Variants in OR8G5 observed in about 807,000 individuals in gnomAD.
The protein encoded by OR8G5 is olfactory receptor 8G5.
For synonymous variants in OR8G5, 147 were observed against 147.7 expected (o/e 1.00, Z 0.03); for missense variants, 347 against 371.9 (o/e 0.93, Z 0.55).
intron 1 of OR8G5, among the ~76,000 whole-genome samples, chr11:124,258,060 TCTC>T (rs1591394674): frequency 6.6e-6 from 1 of 152,114 alleles, no homozygotes; most frequent in East Asian, 1.9e-4. Flanking sequence ...CATTGAATTA[TCTC>T]CTCTCTGGCT....
At chr11:124,264,858 T>C in intron 1 of OR8G5, 60 bp from the exon 2 acceptor site, 1 of 1,597,538 alleles carries the variant, frequency 6.3e-7, no homozygotes, top group Non-Finnish European at 8.6e-7. Context: ...ATCACTTTCC[T>C]ACAAAAGGAG....
intron 1 of OR8G5, among the ~76,000 whole-genome samples, chr11:124,258,121 A>G (rs1263873889): frequency 6.6e-6 from 1 of 152,202 alleles, no homozygotes; most frequent in Non-Finnish European, 1.5e-5. Context: ...GTCAAACACC[A>G]TACACAAAAT....
rs1311764208 is a variant in OR8G5, at chr11:124,266,064, CATG to C, written c.*200_*202del. ...TTTTCTCTCATAAGGATTACGAAGA[CATG>C]ATATTTTCTTAGAAGAAATAATAAG... On this transcript the variant is annotated 3_prime_UTR_variant, in exon 2 of 2. Transcript: ENST00000641992. 1.6e-6 allele frequency: 1 copy of C among 636,656 alleles called. No individual in the cohort carries two copies. The highest frequency in any genetic ancestry group is 3.5e-5 in the Admixed American group (1 of 28,628). The allele number at this position is 636,656 out of a possible 1,614,324, so 39.4% of individuals were successfully genotyped here.
Position 124,265,191 on chromosome 11 carries a change from C to T in OR8G5, c.260C>T (p.Thr87Ile). Residue 87 changes from threonine (T) to isoleucine (I), a missense_variant, in exon 2 of 2, where the codon ACA (threonine) becomes ATA (isoleucine). Transcript: ENST00000641992. ...ITPKMLVNFV[T>I]EKNIISYPEC... ...CCTAAGATGCTGGTGAACTTTGTGA[C>T]AGAGAAGAACATCATCTCCTACCCT... 6.2e-7 allele frequency: 1 copy of T among 1,614,116 alleles called. No homozygotes were observed. The highest frequency in any genetic ancestry group is 8.5e-7 in the Non-Finnish European group (1 of 1,179,972).
At chr11:124,263,550 C>T (rs946520314) in intron 1 of OR8G5, among the ~76,000 whole-genome samples, 2 of 142,592 alleles carry the variant, frequency 1.4e-5, no homozygotes, top group African/African-American at 5.2e-5. Flanking sequence ...TTCCTGTGTC[C>T]ATGTGTTCTC....
chr11:124,264,833 A>G (rs377735388), intron 1 of OR8G5, 85 bp from the exon 2 acceptor site: 3 of 1,541,744 alleles, frequency 1.9e-6, no homozygotes, highest in Non-Finnish European at 1.8e-6. Flanking sequence ...TTAAATGATC[A>G]TATATAAACA....
In OR8G5 at chr11:124,265,370, G is replaced by A; in HGVS notation, c.439G>A (p.Val147Met). ...TAAGGCTTGCTTTTCTCTGATTTTAGTGGTGTATGTAATAGGCCTGATTTG... is the reference window on the plus strand; with the variant it reads ...TAAGGCTTGCTTTTCTCTGATTTTAATGGTGTATGTAATAGGCCTGATTTG... ...SNKACFSLIL[V>M]VYVIGLICAS... Residue 147 changes from valine to methionine, a missense_variant, in exon 2 of 2, where the codon GTG becomes ATG. Physicochemically the swap from Val to Met is conservative, Grantham distance 21. Transcript: ENST00000641992. The A allele has an allele frequency of 1.2e-6, 2 of 1,614,006 alleles. No individual in the cohort carries two copies. Among genetic ancestry groups the A allele is most frequent in the Non-Finnish European group, 1.7e-6 (2 of 1,179,888 alleles).
At chr11:124,257,976 C>T (rs1360774780) in intron 1 of OR8G5, among the ~76,000 whole-genome samples, 1 of 152,058 alleles carries the variant, frequency 6.6e-6, no homozygotes, top group African/African-American at 2.4e-5. Context: ...TTAGGAGAGT[C>T]CTTCCTTTCT....
Position 124,265,054 on chromosome 11 carries a change from G to T in OR8G5, c.123G>T (p.Gly41=), listed in dbSNP as rs752929188. ...GAATCTATGTAGTCACAGTGCTGGG[G>T]AACCTGGGCATGATCACACTGATTG... ...FLGIYVVTVL[G]NLGMITLIGL... The change falls in exon 2 of 2, where the codon GGG becomes GGT. Residue 41 remains glycine, a synonymous_variant. Coordinates refer to ENST00000641992, the MANE Select transcript of OR8G5 (RefSeq NM_001005198.2). 6.2e-7 allele frequency: 1 copy of T among 1,614,114 alleles called. No homozygotes were observed. The highest frequency in any genetic ancestry group is 1.1e-5 in the South Asian group (1 of 91,080).
rs141697209 is a variant in OR8G5, at chr11:124,259,719, A to G, written c.-15+3085A>G. ...GATCAATCATATTGGGAAATACCTG[A>G]ATCAACAAACACTCTTTGTGTTCAA... On this transcript the variant is annotated intron_variant, in intron 1 of 1. Transcript: ENST00000641992. Among the ~76,000 whole-genome samples the G allele has an allele frequency of 4.4e-3, 668 of 152,222 alleles. 4 individuals carry two copies. The highest frequency in any genetic ancestry group is 6.8e-3 in the Non-Finnish European group (459 of 67,980).
chr11:124,258,036 C>CTT (rs1861929205), intron 1 of OR8G5, among the ~76,000 whole-genome samples: 1 of 152,112 alleles, frequency 6.6e-6, no homozygotes, highest in African/African-American at 2.4e-5. Flanking sequence ...TTCTTCTTCT[C>CTT]TGAGACTTTT....
chr11:124,262,550 G>A (rs1725147818), intron 1 of OR8G5, among the ~76,000 whole-genome samples: 1 of 151,808 alleles, frequency 6.6e-6, no homozygotes, highest in African/African-American at 2.4e-5. Flanking sequence ...ATACATTTGG[G>A]GTTTCTGGTG....
chr11:124,260,047 G>A (rs1861953648), intron 1 of OR8G5, among the ~76,000 whole-genome samples: 1 of 151,936 alleles, frequency 6.6e-6, no homozygotes, highest in African/African-American at 2.4e-5. Context: ...GTTAACTTTT[G>A]AGAATCAATA....
chr11:124,263,610 G>C (rs896145644), intron 1 of OR8G5, among the ~76,000 whole-genome samples: 1 of 148,798 alleles, frequency 6.7e-6, no homozygotes, highest in Non-Finnish European at 1.5e-5. Context: ...TTGGTTTTTT[G>C]TCCTTGCGAT....
At chr11:124,263,867 G>A (rs917681824) in intron 1 of OR8G5, among the ~76,000 whole-genome samples, 1 of 151,892 alleles carries the variant, frequency 6.6e-6, no homozygotes, top group Non-Finnish European at 1.5e-5. Context: ...TTTAGTGAAT[G>A]GAATAGCTAC....
chr11:124,262,275 A>G (rs1322593040), intron 1 of OR8G5, among the ~76,000 whole-genome samples: 2 of 151,902 alleles, frequency 1.3e-5, no homozygotes, highest in African/African-American at 2.4e-5. Flanking sequence ...AGACAACCTT[A>G]ATTTATTGGA....
chr11:124,261,930 T>C (rs1861975315), intron 1 of OR8G5, among the ~76,000 whole-genome samples: 1 of 151,726 alleles, frequency 6.6e-6, no homozygotes, highest in East Asian at 1.9e-4. Flanking sequence ...AACACAAATA[T>C]AAAAAAGAAA....
chr11:124,266,112 G>T lies in OR8G5; in HGVS notation c.*245G>T. 1 of 435,434 alleles carries T rather than the reference G, an allele frequency of 2.3e-6. No homozygotes were observed. 27.0% of individuals were successfully genotyped at this position (435,434 alleles called of 1,614,324 possible). A position where few individuals can be genotyped will look rare whatever the true frequency, so the allele number is the denominator to read the frequency against. On this transcript the variant is annotated 3_prime_UTR_variant, in exon 2 of 2. Coordinates refer to ENST00000641992, the MANE Select transcript of OR8G5 (RefSeq NM_001005198.2). ...AATAAGATTGACATAGTGAAATAGT[G>T]GCATAACCTGATAATGCCAGTTACA...
chr11:124,262,690 T>TAC (rs746995541), intron 1 of OR8G5, among the ~76,000 whole-genome samples: 1 of 151,236 alleles, frequency 6.6e-6, no homozygotes, highest in African/African-American at 2.4e-5. Context: ...CACACACACA[T>TAC]ACACACACAC....
Sources: allele counts gnomAD v4.1 joint callset (sites outside exome capture counted in the v4.1 genomes callset), GRCh38; gene constraint gnomAD v4.1.1; transcripts MANE v1.5; gene names NCBI Gene and HGNC (gene_info 2026-07-23, HGNC 2026-07-21).